Variants in STX17 observed in about 807,000 individuals in gnomAD.
STX17 encodes the protein syntaxin-17.
STX17 carries 29 observed loss-of-function variants against 35.9 expected under a neutral mutation model. That is an observed-to-expected ratio of 0.81 (90% CI 0.60 to 1.10). STX17 has a LOEUF of 1.10. Ranked by LOEUF, STX17 falls within the 50% of genes least tolerant of loss-of-function variation. STX17 has a pLI of 0.00. For synonymous variants in STX17, 92 were observed against 118.3 expected, an observed-to-expected ratio of 0.78 and a Z score of 1.44; for missense variants, 312 against 352.3, an observed-to-expected ratio of 0.89 and a Z score of 0.92.
chr9:99,961,546 TTCTC>T (rs1244090939), intron 6 of STX17, among the ~76,000 whole-genome samples: 5 of 152,212 alleles, frequency 3.3e-5, no homozygotes, highest in Non-Finnish European at 7.3e-5. Flanking sequence ...CTTTTTGTCT[TTCTC>T]AGGAGTTATG....
chr9:99,967,891 T>A, intron 7 of STX17, 152 bp downstream of exon 7: 2 of 664,830 alleles, frequency 3.0e-6, no homozygotes, highest in Non-Finnish European at 5.3e-6. Flanking sequence ...AAGAAATCAA[T>A]GTTGTAATAT....
At chr9:99,939,704 G>A (rs73656924) in intron 3 of STX17, among the ~76,000 whole-genome samples, 2,362 of 152,192 alleles carry the variant, frequency 0.016, 60 homozygotes, top group African/African-American at 0.055. Context: ...TTCAGAGACA[G>A]CACAAGTCTC....
At chr9:99,932,641 T>C (rs894783571) in intron 3 of STX17, among the ~76,000 whole-genome samples, 1 of 152,202 alleles carries the variant, frequency 6.6e-6, no homozygotes, top group African/African-American at 2.4e-5. Context: ...AGTATTTGTT[T>C]ACTGATTTTT....
Position 99,973,498 on chromosome 9 carries a change from A to T in STX17, c.*4825A>T, listed in dbSNP as rs1307563200. On this transcript the variant is annotated 3_prime_UTR_variant, in exon 8 of 8. Coordinates refer to ENST00000259400, the MANE Select transcript of STX17 (RefSeq NM_017919.3). ...TGTCTCTTGTAGCAGGATTTTTTAA[A>T]TCAGGGGCAGCTCTCTTCTCCCATC... 6.6e-6 allele frequency among the ~76,000 whole-genome samples: 1 copy of T among 152,180 alleles called. No homozygotes were observed. Among genetic ancestry groups the T allele is most frequent in the Non-Finnish European group, 1.5e-5 (1 of 68,032 alleles).
chr9:99,932,942 A>C (rs1386009070), intron 3 of STX17, among the ~76,000 whole-genome samples: 1 of 152,192 alleles, frequency 6.6e-6, no homozygotes, highest in Non-Finnish European at 1.5e-5. Context: ...GATAAAAATA[A>C]GTTCTTAATT....
chr9:99,935,345 A>G (rs868387869), intron 3 of STX17, among the ~76,000 whole-genome samples: 4 of 151,948 alleles, frequency 2.6e-5, no homozygotes, highest in Non-Finnish European at 4.4e-5. Context: ...AAAAAAAAAA[A>G]AAAGAAAAAG....
At chr9:99,921,071 GGTTA>G (rs1327448116) in intron 2 of STX17, among the ~76,000 whole-genome samples, 2 of 152,038 alleles carry the variant, frequency 1.3e-5, no homozygotes, top group Non-Finnish European at 2.9e-5. Context: ...CATCATTATA[GGTTA>G]GTTATTGTTA....
rs990335208 is a variant in STX17 at position 99,974,043 on chromosome 9, C to A, written c.*5370C>A. Among the ~76,000 whole-genome samples, 1 of 152,148 alleles carries A rather than the reference C, an allele frequency of 6.6e-6. No individual in the cohort carries two copies. Among genetic ancestry groups the A allele is most frequent in the Non-Finnish European group, 1.5e-5 (1 of 68,024 alleles). On this transcript the variant is annotated 3_prime_UTR_variant, in exon 8 of 8. Coordinates refer to ENST00000259400, the MANE Select transcript of STX17 (RefSeq NM_017919.3). ...GCTGGGGGTTATTTAAGCTCTTGGA[C>A]GAGCCTAAAACTTGTATCCTGAAGA...
At chr9:99,959,416 T>C (rs1471744986) in intron 4 of STX17, among the ~76,000 whole-genome samples, 3 of 150,896 alleles carry the variant, frequency 2.0e-5, no homozygotes, top group Non-Finnish European at 3.0e-5. Context: ...AAAAAAAATG[T>C]GTTAACTAAT....
At chr9:99,910,442 C>A (rs1828637087) in intron 1 of STX17, among the ~76,000 whole-genome samples, 1 of 151,938 alleles carries the variant, frequency 6.6e-6, no homozygotes, top group Non-Finnish European at 1.5e-5. Flanking sequence ...ATAGGCATAA[C>A]CTTTTGTGGG....
At chr9:99,924,322 CAT>C (rs1478791715) in intron 2 of STX17, among the ~76,000 whole-genome samples, 9 of 152,102 alleles carry the variant, frequency 5.9e-5, no homozygotes, top group South Asian at 2.1e-4. Context: ...TAACAAAAGA[CAT>C]GTGTCTGTCA....
intron 4 of STX17, among the ~76,000 whole-genome samples, chr9:99,959,099 A>G (rs1253912799): frequency 2.0e-5 from 3 of 152,246 alleles, no homozygotes; most frequent in Admixed American, 1.3e-4. Flanking sequence ...GATGAAAAAT[A>G]TTAAACCTAT....
Position 99,944,152 on chromosome 9 carries a change from G to A in STX17, c.190-6908G>A, listed in dbSNP as rs967189367. On this transcript the variant is annotated intron_variant, in intron 3 of 7. Transcript: ENST00000259400. ...ATTCTGCAAGATCAGTAGTAATGCC[G>A]TTTTTCATTTCTGATTTTGGTTATT... is the stretch of plus-strand genomic sequence containing the variant. 3.3e-5 allele frequency among the ~76,000 whole-genome samples: 5 copies of A among 151,792 alleles called. No individual in the cohort carries two copies. The South Asian group carries it at 6.2e-4, about 19-fold the overall frequency.
At chr9:99,936,226 ATAGT>A (rs1035250377) in intron 3 of STX17, among the ~76,000 whole-genome samples, 33 of 152,264 alleles carry the variant, frequency 2.2e-4, no homozygotes, top group African/African-American at 6.5e-4. Flanking sequence ...TTGTGGGTAA[ATAGT>A]TAGGAGTGGA....
rs533192151 is a variant in STX17 at position 99,950,537 on chromosome 9, C to G, written c.190-523C>G. On this transcript the variant is annotated intron_variant, in intron 3 of 7. Transcript: ENST00000259400. ...TGAATGTTGATCACCGAAGGAGTGACTGAGTAAATTATTCTACACTACACC... is the reference window on the plus strand; with the variant it reads ...TGAATGTTGATCACCGAAGGAGTGAGTGAGTAAATTATTCTACACTACACC... Among the ~76,000 whole-genome samples, 18 of 151,968 alleles carry G rather than the reference C, an allele frequency of 1.2e-4. No homozygotes were observed. The South Asian group carries it at 3.7e-3, about 32-fold the overall frequency.
intron 2 of STX17, among the ~76,000 whole-genome samples, chr9:99,928,265 TG>T (rs1829030943): frequency 6.6e-6 from 1 of 152,130 alleles, no homozygotes; most frequent in African/African-American, 2.4e-5. Flanking sequence ...ACAGTTGCCT[TG>T]GTAAAAATTA....
chr9:99,932,388 T>C (rs1386374571), intron 3 of STX17, among the ~76,000 whole-genome samples: 3 of 89,518 alleles, frequency 3.4e-5, no homozygotes, highest in African/African-American at 1.5e-4. Context: ...ATTTGACTTA[T>C]CTCTCTATAG....
At chr9:99,944,830 C>G (rs961359805) in intron 3 of STX17, among the ~76,000 whole-genome samples, 1 of 151,916 alleles carries the variant, frequency 6.6e-6, no homozygotes. Flanking sequence ...TTTTTTATTT[C>G]TATTGTGATT....
intron 3 of STX17, chr9:99,945,747 A>G (rs943807514): frequency 1.0e-5 from 4 of 401,032 alleles, no homozygotes; most frequent in Admixed American, 5.7e-5. Context: ...GCCTTCTCCA[A>G]GGATTTCATC....
Sources: allele counts gnomAD v4.1 joint callset (sites outside exome capture counted in the v4.1 genomes callset), GRCh38; gene constraint gnomAD v4.1.1; transcripts MANE v1.5; gene names NCBI Gene and HGNC (gene_info 2026-07-23, HGNC 2026-07-21).